Variants in DSCAM observed in about 807,000 individuals in gnomAD.
DSCAM encodes cell adhesion molecule DSCAM.
Under a neutral mutation model 217.7 loss-of-function variants are expected in DSCAM, and 47 were observed. The ratio of observed to expected loss-of-function variants is 0.22; its 90% CI spans 0.17 to 0.28. The LOEUF (loss-of-function observed/expected upper bound fraction) is 0.28. DSCAM is among the 10% of genes least tolerant of loss of function. DSCAM has a pLI of 1.00. For missense variants in DSCAM, 2,080 were observed against 2,618.3 expected, an observed-to-expected ratio of 0.79 and a Z score of 4.49; for synonymous variants, 1,056 against 1,015.3, an observed-to-expected ratio of 1.04 and a Z score of -0.76.
chr21:40,539,879 A>G (rs1464815969), intron 3 of DSCAM, among the ~76,000 whole-genome samples: 1 of 152,206 alleles, frequency 6.6e-6, no homozygotes, highest in Non-Finnish European at 1.5e-5. Flanking sequence ...GGCTTTATTA[A>G]CATAAAATCA....
At chr21:40,373,177 AT>A (rs913479945) in intron 3 of DSCAM, among the ~76,000 whole-genome samples, 1 of 152,156 alleles carries the variant, frequency 6.6e-6, no homozygotes, top group Non-Finnish European at 1.5e-5. Flanking sequence ...CTAGAAATCT[AT>A]TTTGCTGAAC....
chr21:40,751,092 C>T (rs750236822), intron 1 of DSCAM, among the ~76,000 whole-genome samples: 4 of 152,180 alleles, frequency 2.6e-5, no homozygotes, highest in Non-Finnish European at 2.9e-5. Flanking sequence ...CTGCTCTTGT[C>T]ACACAGGCTG....
At chr21:40,398,366 G>C (rs1268924221) in intron 3 of DSCAM, among the ~76,000 whole-genome samples, 1 of 152,112 alleles carries the variant, frequency 6.6e-6, no homozygotes, top group African/African-American at 2.4e-5. Context: ...AACAGACCTT[G>C]CAGTTTTCTC....
intron 3 of DSCAM, among the ~76,000 whole-genome samples, chr21:40,571,348 GATATCTCA>G (rs1473766440): frequency 1.3e-5 from 2 of 152,156 alleles, no homozygotes; most frequent in Non-Finnish European, 2.9e-5. Flanking sequence ...CAAGGTGATA[GATATCTCA>G]ATTACCTTGA....
intron 10 of DSCAM, among the ~76,000 whole-genome samples, chr21:40,294,458 A>G (rs373378131): frequency 3.2e-4 from 48 of 152,360 alleles, no homozygotes; most frequent in African/African-American, 1.0e-3. Flanking sequence ...GGCCACATTT[A>G]CCCACCCATA....
intron 11 of DSCAM, among the ~76,000 whole-genome samples, chr21:40,196,285 G>C (rs562287537): frequency 6.6e-6 from 1 of 152,156 alleles, no homozygotes; most frequent in Non-Finnish European, 1.5e-5. Flanking sequence ...GCTGGGACTG[G>C]GCAGGACCCT....
intron 3 of DSCAM, among the ~76,000 whole-genome samples, chr21:40,566,115 T>C (rs1262226572): frequency 6.6e-6 from 1 of 152,148 alleles, no homozygotes; most frequent in Non-Finnish European, 1.5e-5. Flanking sequence ...ACATATATTA[T>C]TATTGTCCTA....
intron 3 of DSCAM, among the ~76,000 whole-genome samples, chr21:40,435,546 C>A (rs1393693127): frequency 2.5e-4 from 36 of 143,480 alleles, no homozygotes; most frequent in Admixed American, 2.8e-4. Context: ...CTGTATCTAC[C>A]AAAAAAAAAA....
chr21:40,106,241 T>G (rs2089818571), intron 20 of DSCAM, among the ~76,000 whole-genome samples: 1 of 152,186 alleles, frequency 6.6e-6, no homozygotes, highest in African/African-American at 2.4e-5. Flanking sequence ...CCCCCATGAT[T>G]CAATTACCTT....
At chr21:40,437,648 C>T (rs768010245) in intron 3 of DSCAM, among the ~76,000 whole-genome samples, 20 of 151,902 alleles carry the variant, frequency 1.3e-4, no homozygotes, top group Non-Finnish European at 1.9e-4. Context: ...GTTGGGAGTT[C>T]GAGACCAGCC....
At chr21:40,615,447 C>T (rs982814533) in intron 3 of DSCAM, 1 of 87,132 alleles carries the variant, frequency 1.1e-5, no homozygotes, top group Non-Finnish European at 2.2e-5. Context: ...AAAAAAAGAG[C>T]ACTTTAAGAG....
At chr21:40,505,724 T>G (rs1352428034) in intron 3 of DSCAM, among the ~76,000 whole-genome samples, 1 of 152,180 alleles carries the variant, frequency 6.6e-6, no homozygotes, top group Non-Finnish European at 1.5e-5. Context: ...CCAATTAAAT[T>G]ACTCTTTGGG....
intron 4 of DSCAM, among the ~76,000 whole-genome samples, chr21:40,363,362 C>T (rs1171769576): frequency 6.7e-6 from 1 of 149,204 alleles, no homozygotes; most frequent in Non-Finnish European, 1.5e-5. Flanking sequence ...AAGCAATTCT[C>T]CTGCCTCAGC....
intron 1 of DSCAM, among the ~76,000 whole-genome samples, chr21:40,775,847 C>T (rs920674002): frequency 6.6e-5 from 10 of 152,116 alleles, no homozygotes; most frequent in African/African-American, 2.4e-4. Context: ...GTTCTTTGGG[C>T]GATTGCAAAT....
At chr21:40,508,769 ATATATATATATATATTT>A (rs2076233670) in intron 3 of DSCAM, among the ~76,000 whole-genome samples, 2 of 3,822 alleles carry the variant, frequency 5.2e-4, no homozygotes, top group Non-Finnish European at 8.6e-4. Context: ...ATATATATAT[ATATATATATATATATTT>A]TTTTTTTTTT....
At chr21:40,221,911 G>T (rs904086106) in intron 11 of DSCAM, among the ~76,000 whole-genome samples, 7 of 152,222 alleles carry the variant, frequency 4.6e-5, no homozygotes, top group Non-Finnish European at 1.0e-4. Flanking sequence ...CAAAGCACCT[G>T]TGTGTTGGGT....
At chr21:40,636,426 G>T (rs968658477) in intron 3 of DSCAM, among the ~76,000 whole-genome samples, 1 of 152,214 alleles carries the variant, frequency 6.6e-6, no homozygotes, top group Middle Eastern at 3.4e-3. Context: ...GTGGTTCACT[G>T]CTTCTGCAGC....
chr21:40,482,640 C>A (rs547147777), intron 3 of DSCAM, among the ~76,000 whole-genome samples: 12 of 152,136 alleles, frequency 7.9e-5, no homozygotes, highest in Non-Finnish European at 1.3e-4. Context: ...AGAATTAGAG[C>A]AAAAGGTAAC....
intron 18 of DSCAM, among the ~76,000 whole-genome samples, chr21:40,138,836 T>C (rs893099609): frequency 6.9e-6 from 1 of 144,464 alleles, no homozygotes; most frequent in African/African-American, 2.6e-5. Flanking sequence ...TGGTGTGTGG[T>C]GTATGTGGGG....
Sources: allele counts gnomAD v4.1 joint callset (sites outside exome capture counted in the v4.1 genomes callset), GRCh38; gene constraint gnomAD v4.1.1; transcripts MANE v1.5; gene names NCBI Gene and HGNC (gene_info 2026-07-23, HGNC 2026-07-21).